The following BRINP3 variants were observed in gnomAD, a reference collection of about 807,000 sequenced individuals.
BRINP3 encodes BMP/retinoic acid inducible neural specific 3, also known as BMP/retinoic acid-inducible neural-specific protein 3.
BRINP3 carries 19 observed loss-of-function variants against 71.0 expected under a neutral mutation model. The ratio of observed to expected loss-of-function variants is 0.27; its 90% confidence interval spans 0.19 to 0.39. The LOEUF (loss-of-function observed/expected upper bound fraction) is 0.39, where lower values mean the gene tolerates loss of function less well. BRINP3 is among the 10% of genes least tolerant of loss of function. The pLI is 1.00. For synonymous variants in BRINP3, 380 were observed against 337.7 expected (o/e 1.13, Z -1.37); for missense variants, 959 against 940.8 (o/e 1.02, Z -0.25).
At chr1:190,371,783 C>G (rs572903995) in intron 2 of BRINP3, among the ~76,000 whole-genome samples, 1 of 151,964 alleles carries the variant, frequency 6.6e-6, no homozygotes, top group Non-Finnish European at 1.5e-5. Flanking sequence ...TTAAATTTAA[C>G]GATATCAATT....
chr1:190,106,694 A>C (rs1284585364), intron 7 of BRINP3, among the ~76,000 whole-genome samples: 1 of 151,532 alleles, frequency 6.6e-6, no homozygotes, highest in African/African-American at 2.4e-5. Flanking sequence ...TTATACTTTA[A>C]GTTTTAGGGT....
chr1:190,470,182 A>G (rs57694932), intron 1 of BRINP3, among the ~76,000 whole-genome samples: 17,034 of 150,920 alleles, frequency 0.11, 1,050 homozygotes, highest in Admixed American at 0.18. Flanking sequence ...AACAGTCCAG[A>G]AAAGTTAATA....
intron 2 of BRINP3, among the ~76,000 whole-genome samples, chr1:190,375,540 A>G (rs1234813908): frequency 2.0e-5 from 3 of 151,988 alleles, no homozygotes; most frequent in African/African-American, 7.2e-5. Flanking sequence ...AGCCTAGCAT[A>G]TCTAATTTAT....
chr1:190,366,168 C>T (rs1669485816), intron 2 of BRINP3, among the ~76,000 whole-genome samples: 1 of 152,048 alleles, frequency 6.6e-6, no homozygotes, highest in Non-Finnish European at 1.5e-5. Context: ...TAAAGAGCTG[C>T]CTGAGACTGA....
intron 2 of BRINP3, among the ~76,000 whole-genome samples, chr1:190,282,418 T>C (rs1410858091): frequency 6.6e-6 from 1 of 151,870 alleles, no homozygotes; most frequent in Admixed American, 6.6e-5. Context: ...TACATTTACA[T>C]TGAGATAAAA....
intron 2 of BRINP3, among the ~76,000 whole-genome samples, chr1:190,338,036 A>G (rs1667406218): frequency 6.6e-6 from 1 of 152,020 alleles, no homozygotes; most frequent in Admixed American, 6.6e-5. Flanking sequence ...TAGTTATTCC[A>G]TTTAGTCTAC....
intron 2 of BRINP3, among the ~76,000 whole-genome samples, chr1:190,304,083 C>A (rs1169155287): frequency 6.6e-6 from 1 of 151,702 alleles, no homozygotes; most frequent in Non-Finnish European, 1.5e-5. Flanking sequence ...TACACTTATG[C>A]AAGTCTGCCA....
chr1:190,204,237 A>C (rs987623474), intron 6 of BRINP3, among the ~76,000 whole-genome samples: 1 of 151,932 alleles, frequency 6.6e-6, no homozygotes, highest in Non-Finnish European at 1.5e-5. Flanking sequence ...ATCTTTCTGT[A>C]GATAGTTGGT....
At chr1:190,314,787 C>T (rs1665769050) in intron 2 of BRINP3, among the ~76,000 whole-genome samples, 1 of 152,036 alleles carries the variant, frequency 6.6e-6, no homozygotes, top group African/African-American at 2.4e-5. Flanking sequence ...AAATCAAATC[C>T]CTAAACGGAG....
At chr1:190,116,923 A>G (rs1476283190) in intron 7 of BRINP3, among the ~76,000 whole-genome samples, 1 of 152,044 alleles carries the variant, frequency 6.6e-6, no homozygotes, top group Non-Finnish European at 1.5e-5. Flanking sequence ...ATATAAGGAC[A>G]TCATTTCCTT....
At chr1:190,477,039 G>T (rs1186603951) in intron 1 of BRINP3, among the ~76,000 whole-genome samples, 1 of 152,036 alleles carries the variant, frequency 6.6e-6, no homozygotes, top group Non-Finnish European at 1.5e-5. Context: ...TCCGACTAGC[G>T]AACTTTCCAG....
chr1:190,098,096 C>T lies in BRINP3; in HGVS notation c.2223G>A (p.Arg741=), dbSNP rs748787449. The change falls in exon 8 of 8, where the codon AGG becomes AGA. Residue 741 remains arginine (R), a synonymous_variant. Coordinates refer to ENST00000367462, the MANE Select transcript of BRINP3 (RefSeq NM_199051.3). ...RLKLSTSEVV[R]IQSALQAFNA... ...TAAACGCCTGCAGAGCAGATTGGAT[C>T]CTCACCACCTCACTAGTAGACAGCT... The T allele has an allele frequency of 1.9e-6, 3 of 1,614,148 alleles. No individual in the cohort carries two copies. The highest frequency in any genetic ancestry group is 2.2e-5 in the East Asian group (1 of 44,874).
At chr1:190,366,125 G>A (rs1669483171) in intron 2 of BRINP3, among the ~76,000 whole-genome samples, 1 of 151,956 alleles carries the variant, frequency 6.6e-6, no homozygotes, top group Non-Finnish European at 1.5e-5. Context: ...TTGTTACTTT[G>A]TCTCAGTGTA....
intron 7 of BRINP3, among the ~76,000 whole-genome samples, chr1:190,148,827 G>T (rs951512020): frequency 2.7e-5 from 4 of 150,830 alleles, no homozygotes; most frequent in Admixed American, 6.6e-5. Context: ...AATGTTTTTT[G>T]CATGAATTTA....
At chr1:190,472,812 T>TACACACACAC (rs67049979) in intron 1 of BRINP3, among the ~76,000 whole-genome samples, 3,381 of 147,554 alleles carry the variant, frequency 0.023, 62 homozygotes, top group Middle Eastern at 0.045. Flanking sequence ...TGGTAGAAAT[T>TACACACACAC]ACACACACAC....
chr1:190,125,971 T>C (rs1310643175), intron 7 of BRINP3, among the ~76,000 whole-genome samples: 1 of 147,996 alleles, frequency 6.8e-6, no homozygotes, highest in Non-Finnish European at 1.5e-5. Context: ...TCTAACACTG[T>C]GAATACCAGC....
At chr1:190,188,087 A>T (rs1026339780) in intron 6 of BRINP3, among the ~76,000 whole-genome samples, 1 of 151,982 alleles carries the variant, frequency 6.6e-6, no homozygotes, top group Non-Finnish European at 1.5e-5. Context: ...TTGTAGAGAT[A>T]TTACACATTG....
In BRINP3 at chr1:190,179,860, T is replaced by G. The variant is rs571652215; in HGVS notation, c.962-18970A>C. Among the ~76,000 whole-genome samples, 4 of 152,286 alleles carry G rather than the reference T, an allele frequency of 2.6e-5. No homozygotes were observed. In the East Asian group the frequency reaches 7.7e-4, roughly 29 times the overall value. On this transcript the variant is annotated intron_variant, in intron 6 of 7. Coordinates refer to ENST00000367462, the MANE Select transcript of BRINP3 (RefSeq NM_199051.3). ...GCTGAGCCATTTAGGCTTTAGTCTC[T>G]GCACTATCACTCAGCAACCATCTGA...
intron 2 of BRINP3, among the ~76,000 whole-genome samples, chr1:190,452,537 T>C (rs1675683296): frequency 6.6e-6 from 1 of 152,116 alleles, no homozygotes; most frequent in Non-Finnish European, 1.5e-5. Context: ...AAATAATGCC[T>C]CTTTCATTCA....
Sources: gnomAD v4.1 joint callset for allele counts (sites outside exome capture counted in the v4.1 genomes callset) on GRCh38, gnomAD v4.1.1 for gene constraint, MANE v1.5 for transcripts, NCBI Gene and HGNC (gene_info 2026-07-23, HGNC 2026-07-21) for gene names.